SEMA3A: variants seen among roughly 807,000 people sequenced by gnomAD.
SEMA3A encodes semaphorin 3A.
In SEMA3A, 29 loss-of-function variants were observed where a neutral mutation model predicts 97.9. That is an observed-to-expected ratio of 0.30 (90% CI 0.22 to 0.40). The LOEUF (loss-of-function observed/expected upper bound fraction) is 0.40, where lower values mean the gene tolerates loss of function less well. Ranked by LOEUF, SEMA3A falls within the 10% of genes least tolerant of loss-of-function variation. The pLI, the probability that SEMA3A is intolerant of heterozygous loss-of-function variation, is 1.00. For synonymous variants in SEMA3A, 321 were observed against 323.7 expected, an observed-to-expected ratio of 0.99 and a Z score of 0.09; for missense variants, 763 against 951.3, an observed-to-expected ratio of 0.80 and a Z score of 2.60.
chr7:84,377,027 A>C (rs1803122244), intron 1 of SEMA3A, among the ~76,000 whole-genome samples: 1 of 152,258 alleles, frequency 6.6e-6, no homozygotes, highest in Middle Eastern at 3.4e-3. Flanking sequence ...GTTTGATATA[A>C]TCTTACATGA....
chr7:84,308,576 G>A (rs941862210), intron 2 of SEMA3A, among the ~76,000 whole-genome samples: 1 of 152,164 alleles, frequency 6.6e-6, no homozygotes, highest in Admixed American at 6.5e-5. Flanking sequence ...GTTGAAGAGA[G>A]TGACAGTGAG....
intron 3 of SEMA3A, among the ~76,000 whole-genome samples, chr7:84,286,222 C>T (rs377075466): frequency 3.3e-5 from 5 of 152,070 alleles, no homozygotes; most frequent in Admixed American, 6.6e-5. Context: ...GGCACCTCAA[C>T]GTAGCTGTAA....
intron 1 of SEMA3A, among the ~76,000 whole-genome samples, chr7:84,425,088 A>ATT: frequency 9.3e-6 from 1 of 107,354 alleles, no homozygotes; most frequent in Non-Finnish European, 1.7e-5. Flanking sequence ...TTATATTTAT[A>ATT]TTTTTATATA....
chr7:84,331,122 T>TAGAAAA (rs1801900732), intron 2 of SEMA3A, among the ~76,000 whole-genome samples: 1 of 152,174 alleles, frequency 6.6e-6, no homozygotes, highest in Non-Finnish European at 1.5e-5. Flanking sequence ...TTTGAACTAT[T>TAGAAAA]GATTGCTTTT....
intron 1 of SEMA3A, among the ~76,000 whole-genome samples, chr7:84,390,337 T>TTATTAC (rs1325564712): frequency 2.8e-5 from 2 of 71,048 alleles, no homozygotes; most frequent in Non-Finnish European, 5.8e-5. Context: ...TATTCAAGAA[T>TTATTAC]TATTATTATT....
chr7:84,167,148 T>C (rs530076884), intron 1 of SEMA3A, among the ~76,000 whole-genome samples: 2 of 152,026 alleles, frequency 1.3e-5, no homozygotes, highest in South Asian at 2.1e-4. Flanking sequence ...AAAAAATAAA[T>C]AGAAGGGACC....
intron 2 of SEMA3A, among the ~76,000 whole-genome samples, chr7:84,311,948 G>A (rs1253398424): frequency 6.6e-6 from 1 of 151,728 alleles, no homozygotes; most frequent in Non-Finnish European, 1.5e-5. Context: ...ATTGGGCAAA[G>A]GTAAATTTTC....
intron 12 of SEMA3A, among the ~76,000 whole-genome samples, chr7:83,988,782 T>C (rs1789750429): frequency 6.6e-6 from 1 of 151,854 alleles, no homozygotes; most frequent in African/African-American, 2.4e-5. Context: ...CAACTTTTTC[T>C]ATGCAGAGAT....
intron 6 of SEMA3A, among the ~76,000 whole-genome samples, chr7:84,036,705 T>C (rs929212018): frequency 6.6e-6 from 1 of 152,152 alleles, no homozygotes; most frequent in Non-Finnish European, 1.5e-5. Context: ...AAATACCTAG[T>C]CTTAACTTCT....
chr7:84,179,381 T>C (rs1380102525), intron 1 of SEMA3A, among the ~76,000 whole-genome samples: 1 of 152,178 alleles, frequency 6.6e-6, no homozygotes, highest in African/African-American at 2.4e-5. Context: ...ATGCCTCAAG[T>C]CTCCAGACAG....
chr7:84,019,125 G>A (rs1016267667), intron 6 of SEMA3A, among the ~76,000 whole-genome samples: 15 of 152,066 alleles, frequency 9.9e-5, no homozygotes, highest in African/African-American at 3.1e-4. Context: ...ATAATATGTC[G>A]AATGTAAGAA....
intron 1 of SEMA3A, among the ~76,000 whole-genome samples, chr7:84,141,384 C>T (rs1015150537): frequency 1.3e-5 from 2 of 152,120 alleles, no homozygotes; most frequent in African/African-American, 4.8e-5. Flanking sequence ...TCCAACTTGT[C>T]CCTTTGTATT....
At position 84,217,916 on chromosome 7, in the gene SEMA3A, A is replaced by G. The variant is rs1798787538; in HGVS notation, c.-82-23248T>C. 2.0e-5 allele frequency among the ~76,000 whole-genome samples: 3 copies of G among 152,090 alleles called. No individual in the cohort carries two copies. The South Asian group carries it at 6.2e-4, about 31-fold the overall frequency. ...GGTAACAAAGTAAGACGCCATCTCT[A>G]CAAAAAATTTAAAAAACATATTAGC... On this transcript the variant is annotated intron_variant, in intron 3 of 3. Coordinates refer to the SEMA3A transcript ENST00000424555.
intron 1 of SEMA3A, among the ~76,000 whole-genome samples, chr7:84,137,740 CAT>C (rs1327532429): frequency 4.2e-5 from 5 of 119,620 alleles, no homozygotes; most frequent in Admixed American, 1.6e-4. Context: ...AAAAAAATTA[CAT>C]AGAGATATTA....
At chr7:84,367,199 T>C (rs72612651) in intron 2 of SEMA3A, among the ~76,000 whole-genome samples, 10,938 of 151,120 alleles carry the variant, frequency 0.072, 425 homozygotes, top group East Asian at 0.13. Flanking sequence ...AATAAACGTA[T>C]AGGTGAGATG....
At chr7:84,325,828 C>G (rs561771055) in intron 2 of SEMA3A, among the ~76,000 whole-genome samples, 4 of 152,204 alleles carry the variant, frequency 2.6e-5, no homozygotes, top group Non-Finnish European at 1.5e-5. Flanking sequence ...ACATCCATCA[C>G]CACTCGTGCT....
At chr7:84,199,119 T>C (rs78920792), upstream of SEMA3A, among the ~76,000 whole-genome samples, 1,045 of 152,352 alleles carry the variant, frequency 6.9e-3, 51 homozygotes, top group East Asian at 0.13. Context: ...GATAGCCGTC[T>C]AAGTACTTTC....
intron 2 of SEMA3A, among the ~76,000 whole-genome samples, chr7:84,132,446 T>C (rs1445193383): frequency 6.6e-6 from 1 of 151,940 alleles, no homozygotes; most frequent in Non-Finnish European, 1.5e-5. Context: ...TTAGAAATAA[T>C]TGAATAGTTT....
At chr7:84,131,437 C>G (rs1795958745) in intron 2 of SEMA3A, among the ~76,000 whole-genome samples, 1 of 152,112 alleles carries the variant, frequency 6.6e-6, no homozygotes, top group African/African-American at 2.4e-5. Flanking sequence ...CTCTACACTT[C>G]CACTCATGGC....
Sources: allele counts gnomAD v4.1 joint callset (sites outside exome capture counted in the v4.1 genomes callset), GRCh38; gene constraint gnomAD v4.1.1; transcripts MANE v1.5; gene names NCBI Gene and HGNC (gene_info 2026-07-23, HGNC 2026-07-21).